ARHGEF12: variants seen among roughly 807,000 people sequenced by gnomAD.
The protein encoded by ARHGEF12 is Rho guanine nucleotide exchange factor 12.
Under a neutral mutation model 211.2 loss-of-function variants are expected in ARHGEF12, and 66 were observed. That is an observed-to-expected ratio of 0.31 (90% CI 0.26 to 0.38). ARHGEF12 has a LOEUF of 0.38. Among genes scored for constraint, ARHGEF12 ranks in the 10% least tolerant of loss-of-function variants. The pLI, the probability that ARHGEF12 is intolerant of heterozygous loss-of-function variation, is 1.00. For synonymous variants in ARHGEF12, 592 were observed against 638.4 expected, an observed-to-expected ratio of 0.93 and a Z score of 1.09; for missense variants, 1,429 against 1,869.5, an observed-to-expected ratio of 0.76 and a Z score of 4.34.
intron 11 of ARHGEF12, among the ~76,000 whole-genome samples, chr11:120,432,570 T>G (rs1404567888): frequency 6.6e-6 from 1 of 152,210 alleles, no homozygotes; most frequent in Non-Finnish European, 1.5e-5. Context: ...TCACCCTCTT[T>G]AAAAGTGATG....
At chr11:120,352,211 C>T (rs1219913163) in intron 1 of ARHGEF12, among the ~76,000 whole-genome samples, 1 of 152,150 alleles carries the variant, frequency 6.6e-6, no homozygotes, top group Non-Finnish European at 1.5e-5. Context: ...AAAGAGTGAA[C>T]CTAAACATTG....
chr11:120,341,367 GT>G (rs1942532175), intron 1 of ARHGEF12, among the ~76,000 whole-genome samples: 1 of 67,066 alleles, frequency 1.5e-5, no homozygotes, highest in Non-Finnish European at 2.9e-5. Context: ...GGTTTTTTTT[GT>G]TGTTGCTGTT....
chr11:120,457,823 A>T, intron 24 of ARHGEF12, 67 bp downstream of exon 24: 1 of 1,527,222 alleles, frequency 6.5e-7, no homozygotes, highest in Non-Finnish European at 8.9e-7. Context: ...TTTCCTCTAA[A>T]GTTTCATTTT....
At position 120,445,451 on chromosome 11, in the gene ARHGEF12, G is replaced by A. The variant is rs760551946; in HGVS notation, c.1332G>A (p.Met444Ile). The change falls in exon 16 of 41, where the codon ATG becomes ATA. Residue 444 changes from methionine to isoleucine, a missense_variant. Coordinates refer to ENST00000397843, the MANE Select transcript of ARHGEF12 (RefSeq NM_015313.3). ...TGAAAGTTTCTGTTCCTGATGAAAT[G>A]TCTGCAGATCTAGGTAAGCTTGGAG... Reference protein sequence around the residue: ...AHLKVSVPDEMSADLEKRRPE... With the variant: ...AHLKVSVPDEISADLEKRRPE... 9 of 1,614,138 alleles carry A rather than the reference G, an allele frequency of 5.6e-6. No homozygotes were observed. Among genetic ancestry groups the A allele is most frequent in the Admixed American group, 1.7e-5 (1 of 60,032 alleles).
At chr11:120,436,793 T>A (rs948213619) in intron 11 of ARHGEF12, among the ~76,000 whole-genome samples, 2 of 152,172 alleles carry the variant, frequency 1.3e-5, no homozygotes, top group Admixed American at 1.3e-4. Flanking sequence ...GACTTGAGCA[T>A]CCATTCCCCC....
At chr11:120,380,319 TTAGTACATACTGTTAACTAAAC>T (rs1272969880) in intron 1 of ARHGEF12, among the ~76,000 whole-genome samples, 3 of 152,212 alleles carry the variant, frequency 2.0e-5, no homozygotes, top group Non-Finnish European at 4.4e-5. Flanking sequence ...GAAACCAACC[TTAGTACATACTGTTAACTAAAC>T]TTCATACTTC....
chr11:120,337,732 G>C, intron 1 of ARHGEF12: 4 of 985,450 alleles, frequency 4.1e-6, no homozygotes, highest in African/African-American at 3.5e-5. Flanking sequence ...ACTGCATGGT[G>C]ATCTGGGAAC....
chr11:120,411,006 T>C (rs1251435398), intron 4 of ARHGEF12: 34 of 152,214 alleles, frequency 2.2e-4, no homozygotes, highest in Admixed American at 2.2e-3. Flanking sequence ...TAGAAGCTTG[T>C]TGTATGCTTT....
intron 30 of ARHGEF12, among the ~76,000 whole-genome samples, chr11:120,472,602 G>A (rs1017694552): frequency 7.2e-5 from 11 of 152,216 alleles, no homozygotes; most frequent in East Asian, 1.9e-4. Context: ...CCAAAGCCAC[G>A]GGAAGAGAGT....
intron 21 of ARHGEF12, chr11:120,451,176 T>C (rs1343245949): frequency 5.5e-6 from 1 of 183,106 alleles, no homozygotes; most frequent in African/African-American, 2.4e-5. Context: ...ATTATTTTAT[T>C]TATTTTATTT....
chr11:120,389,479 G>A (rs548871802), intron 1 of ARHGEF12, among the ~76,000 whole-genome samples: 21 of 152,084 alleles, frequency 1.4e-4, no homozygotes, highest in Non-Finnish European at 2.9e-4. Flanking sequence ...TAATTTTTGT[G>A]GGTACCTAGT....
At chr11:120,405,219 A>T (rs1403378711) in intron 1 of ARHGEF12, among the ~76,000 whole-genome samples, 1 of 152,116 alleles carries the variant, frequency 6.6e-6, no homozygotes, top group Admixed American at 6.5e-5. Flanking sequence ...AGTTTTACTG[A>T]TGTTCTTAAT....
chr11:120,453,018 C>CA (rs370822027), intron 22 of ARHGEF12, among the ~76,000 whole-genome samples: 24,337 of 146,984 alleles, frequency 0.17, 2,246 homozygotes, highest in Non-Finnish European at 0.19. Context: ...AAAACAAAAA[C>CA]AAAAAAAAAC....
At chr11:120,358,602 A>G (rs1943195098) in intron 1 of ARHGEF12, among the ~76,000 whole-genome samples, 1 of 152,210 alleles carries the variant, frequency 6.6e-6, no homozygotes, top group Non-Finnish European at 1.5e-5. Flanking sequence ...CACAAGACAA[A>G]TGTGGCTATT....
intron 20 of ARHGEF12, chr11:120,448,804 G>A: frequency 3.3e-6 from 1 of 305,574 alleles, no homozygotes; most frequent in Non-Finnish European, 6.0e-6. Flanking sequence ...AAAATGCTTA[G>A]TAAATATTTG....
At chr11:120,475,549 G>A in intron 33 of ARHGEF12, 42 bp downstream of exon 33, 1 of 1,595,580 alleles carries the variant, frequency 6.3e-7, no homozygotes, top group Non-Finnish European at 8.6e-7. Context: ...CAGATTCATT[G>A]TGAAGTTGCA....
chr11:120,445,848 A>C (rs1946028018), intron 16 of ARHGEF12, among the ~76,000 whole-genome samples: 1 of 151,744 alleles, frequency 6.6e-6, no homozygotes, highest in Non-Finnish European at 1.5e-5. Context: ...CAGTGAGCTG[A>C]GATTATGCCA....
chr11:120,372,772 T>C (rs1943623884), intron 1 of ARHGEF12, among the ~76,000 whole-genome samples: 1 of 152,164 alleles, frequency 6.6e-6, no homozygotes, highest in South Asian at 2.1e-4. Context: ...TTGGAAAAGT[T>C]ATATAGCTTC....
chr11:120,411,940 C>T (rs1420427140), intron 4 of ARHGEF12: 1 of 152,190 alleles, frequency 6.6e-6, no homozygotes, highest in African/African-American at 2.4e-5. Flanking sequence ...AGCCACCGCA[C>T]CTGGCTTCTT....
Sources: gnomAD v4.1 joint callset for allele counts (sites outside exome capture counted in the v4.1 genomes callset) on GRCh38, gnomAD v4.1.1 for gene constraint, MANE v1.5 for transcripts, NCBI Gene and HGNC (gene_info 2026-07-23, HGNC 2026-07-21) for gene names.